Variants in NPAS3 observed in about 807,000 individuals in gnomAD.
The protein encoded by NPAS3 is neuronal PAS domain-containing protein 3.
A neutral mutation model predicts 73.1 loss-of-function variants in NPAS3; 14 were observed. That is an observed-to-expected ratio of 0.19 (90% CI 0.13 to 0.30). The LOEUF (loss-of-function observed/expected upper bound fraction) is 0.30. Ranked by LOEUF, NPAS3 falls within the 10% of genes least tolerant of loss-of-function variation. The pLI, the probability that NPAS3 is intolerant of heterozygous loss-of-function variation, is 1.00. For missense variants in NPAS3, 1,096 were observed against 1,250.0 expected (o/e 0.88, Z 1.86); for synonymous variants, 620 against 541.5 (o/e 1.14, Z -2.01).
chr14:33,391,156 T>TAAAC (rs1555386356), intron 4 of NPAS3, among the ~76,000 whole-genome samples: 1 of 150,500 alleles, frequency 6.6e-6, no homozygotes, highest in Admixed American at 6.6e-5. Flanking sequence ...AATAGACATT[T>TAAAC]AAACAAAAAT....
chr14:33,003,211 G>A (rs1284123225), intron 1 of NPAS3, among the ~76,000 whole-genome samples: 1 of 151,484 alleles, frequency 6.6e-6, no homozygotes, highest in African/African-American at 2.4e-5. Flanking sequence ...CTGAGATAAT[G>A]GAATGGAAGC....
At chr14:33,327,502 G>A (rs1024731965) in intron 3 of NPAS3, among the ~76,000 whole-genome samples, 18 of 152,182 alleles carry the variant, frequency 1.2e-4, no homozygotes, top group Non-Finnish European at 2.1e-4. Flanking sequence ...GTTCCTCTGG[G>A]ATATGGTGCA....
At chr14:33,049,156 A>C (rs1012663997) in intron 1 of NPAS3, among the ~76,000 whole-genome samples, 4 of 152,250 alleles carry the variant, frequency 2.6e-5, no homozygotes, top group Admixed American at 6.5e-5. Flanking sequence ...AATGAATAAC[A>C]AAGATAATTT....
chr14:33,106,500 T>C (rs1261376317), intron 2 of NPAS3, among the ~76,000 whole-genome samples: 1 of 152,134 alleles, frequency 6.6e-6, no homozygotes, highest in African/African-American at 2.4e-5. Flanking sequence ...CAGAATACAT[T>C]GATAAATTAA....
chr14:33,127,098 A>AC (rs941636094), intron 2 of NPAS3, among the ~76,000 whole-genome samples: 1 of 151,730 alleles, frequency 6.6e-6, no homozygotes, highest in Non-Finnish European at 1.5e-5. Context: ...TTTGAAAAAA[A>AC]AAAACTCTAA....
chr14:33,329,635 G>A (rs2043886899), intron 3 of NPAS3, among the ~76,000 whole-genome samples: 2 of 152,032 alleles, frequency 1.3e-5, no homozygotes, highest in Admixed American at 1.3e-4. Flanking sequence ...GGTTGGTGGG[G>A]TAGGCAGGGG....
chr14:33,065,959 G>A (rs1046964220), intron 2 of NPAS3, among the ~76,000 whole-genome samples: 24 of 152,140 alleles, frequency 1.6e-4, no homozygotes, highest in African/African-American at 5.8e-4. Context: ...ACTGTTTTAG[G>A]AGTAAAATTG....
At chr14:33,324,684 A>G (rs2043611881) in intron 3 of NPAS3, among the ~76,000 whole-genome samples, 1 of 152,208 alleles carries the variant, frequency 6.6e-6, no homozygotes. Flanking sequence ...TTATAGCTAC[A>G]GCAAAATTTG....
At chr14:33,629,522 C>T (rs1352766544) in intron 5 of NPAS3, among the ~76,000 whole-genome samples, 2 of 151,640 alleles carry the variant, frequency 1.3e-5, no homozygotes, top group African/African-American at 4.8e-5. Flanking sequence ...ACTGAAGAAA[C>T]TAATGATAGC....
chr14:33,544,825 A>ATATATATAATATATATATATAAT, intron 4 of NPAS3, among the ~76,000 whole-genome samples: 7 of 112,186 alleles, frequency 6.2e-5, no homozygotes, highest in African/African-American at 2.9e-4. Flanking sequence ...TATATAATAT[A>ATATATATAATATATATATATAAT]TATGTGTATA....
In NPAS3 at chr14:33,573,634, A is replaced by G. The variant is rs548208469; in HGVS notation, c.558+13424A>G. On this transcript the variant is annotated intron_variant, in intron 5 of 11. Coordinates refer to ENST00000356141, the Ensembl canonical transcript of NPAS3. ...TGCAAAGCTATTTCTTATGGGAGAG[A>G]TGAGTCTGGAAAGTTAGGACTTGGC... Among the ~76,000 whole-genome samples the G allele has an allele frequency of 4.6e-5, 7 of 152,308 alleles. No homozygotes were observed. In the East Asian group the frequency reaches 9.6e-4, roughly 21 times the overall value.
intron 1 of NPAS3, among the ~76,000 whole-genome samples, chr14:32,967,252 A>T (rs2037214401): frequency 6.6e-6 from 1 of 152,218 alleles, no homozygotes; most frequent in Non-Finnish European, 1.5e-5. Context: ...TTCTTAGGAT[A>T]TTCTTAATAA....
intron 3 of NPAS3, among the ~76,000 whole-genome samples, chr14:33,360,765 A>T (rs1012502319): frequency 2.0e-5 from 3 of 152,124 alleles, no homozygotes; most frequent in African/African-American, 7.2e-5. Context: ...TATGTCAGGG[A>T]TGTCCTCTTC....
intron 5 of NPAS3, among the ~76,000 whole-genome samples, chr14:33,617,998 A>C (rs1290323522): frequency 6.6e-6 from 1 of 152,234 alleles, no homozygotes. Context: ...TCGGAAGTGC[A>C]TGAGACACAG....
chr14:33,493,421 C>T (rs1035634099), intron 4 of NPAS3, among the ~76,000 whole-genome samples: 3 of 151,556 alleles, frequency 2.0e-5, no homozygotes, highest in Non-Finnish European at 4.4e-5. Flanking sequence ...ACAAGGGCAT[C>T]GCTTTGTGAC....
chr14:33,663,393 G>T (rs577562610), intron 5 of NPAS3, among the ~76,000 whole-genome samples: 1 of 152,048 alleles, frequency 6.6e-6, no homozygotes, highest in Non-Finnish European at 1.5e-5. Context: ...TGTTGAACCA[G>T]CCTTGCATCC....
chr14:33,330,051 T>C (rs1319672588), intron 3 of NPAS3, among the ~76,000 whole-genome samples: 1 of 152,192 alleles, frequency 6.6e-6, no homozygotes, highest in South Asian at 2.1e-4. Context: ...GAGACCAGCC[T>C]GGCCAACATG....
intron 7 of NPAS3, among the ~76,000 whole-genome samples, chr14:33,746,515 T>TA (rs60329433): frequency 2.3e-4 from 35 of 151,414 alleles, no homozygotes; most frequent in African/African-American, 8.0e-4. Flanking sequence ...TTTTTTTTTT[T>TA]ATGATGTATT....
intron 4 of NPAS3, among the ~76,000 whole-genome samples, chr14:33,480,724 T>A (rs943352376): frequency 6.6e-6 from 1 of 151,882 alleles, no homozygotes; most frequent in Non-Finnish European, 1.5e-5. Context: ...TTTAAAACCC[T>A]GAAGACATAA....
Sources: gnomAD v4.1 joint callset for allele counts (sites outside exome capture counted in the v4.1 genomes callset) on GRCh38, gnomAD v4.1.1 for gene constraint, MANE v1.5 for transcripts, NCBI Gene and HGNC (gene_info 2026-07-23, HGNC 2026-07-21) for gene names.